Variants in ARMC3 observed in about 807,000 individuals in gnomAD.
ARMC3 encodes armadillo repeat containing 3, also known as armadillo repeat-containing protein 3.
A neutral mutation model predicts 90.3 loss-of-function variants in ARMC3; 74 were observed. That is an observed-to-expected ratio of 0.82 (90% CI 0.68 to 0.99). The LOEUF (loss-of-function observed/expected upper bound fraction) is 0.99, where lower values mean the gene tolerates loss of function less well. Ranked by LOEUF, ARMC3 falls within the 50% of genes least tolerant of loss-of-function variation. The pLI, the probability that ARMC3 is intolerant of heterozygous loss-of-function variation, is 0.00. For synonymous variants in ARMC3, 334 were observed against 361.8 expected (o/e 0.92, Z 0.87); for missense variants, 958 against 1,042.8 (o/e 0.92, Z 1.12).
intron 8 of ARMC3, among the ~76,000 whole-genome samples, chr10:22,974,027 G>T (rs1458874958): frequency 1.3e-5 from 2 of 151,564 alleles, no homozygotes; most frequent in African/African-American, 4.8e-5. Context: ...CAGAGTGCTG[G>T]GATTACAGGC....
At chr10:23,014,665 C>G (rs965281487) in intron 16 of ARMC3, among the ~76,000 whole-genome samples, 9 of 151,962 alleles carry the variant, frequency 5.9e-5, no homozygotes, top group African/African-American at 2.2e-4. Context: ...ATGGATGGAG[C>G]TGGAAGTCAT....
intron 10 of ARMC3, among the ~76,000 whole-genome samples, chr10:22,985,752 A>G (rs957257017): frequency 6.6e-6 from 1 of 152,202 alleles, no homozygotes; most frequent in African/African-American, 2.4e-5. Flanking sequence ...TTTTACTTAC[A>G]AATGGGCTAA....
intron 11 of ARMC3, among the ~76,000 whole-genome samples, chr10:22,998,873 A>G (rs560073412): frequency 6.6e-5 from 10 of 152,398 alleles, no homozygotes; most frequent in South Asian, 2.1e-4. Context: ...CCATTTATGT[A>G]ACGTTCAAAA....
At chr10:22,954,337 CT>C (rs1564349282) in intron 3 of ARMC3, among the ~76,000 whole-genome samples, 1 of 151,920 alleles carries the variant, frequency 6.6e-6, no homozygotes, top group South Asian at 2.1e-4. Context: ...ATTTTCTAGA[CT>C]TTTTTTCTGT....
chr10:22,956,804 T>C (rs1203207402), intron 4 of ARMC3, among the ~76,000 whole-genome samples: 1 of 148,320 alleles, frequency 6.7e-6, no homozygotes, highest in Non-Finnish European at 1.5e-5. Context: ...TATATTAATA[T>C]GTAATTATAT....
In ARMC3 at chr10:22,993,466, C is replaced by T. The variant is rs945259994; in HGVS notation, c.1176-4682C>T. 7.2e-5 allele frequency among the ~76,000 whole-genome samples: 11 copies of T among 152,160 alleles called. 1 individual carries two copies. Among genetic ancestry groups the T allele is most frequent in the South Asian group, 2.1e-4 (1 of 4,838 alleles). ...AGCTGTAAGTGATAAAACTGGAAAT[C>T]GCAGTGTTGCTGGATCCTATCCCTT... On this transcript the variant is annotated intron_variant, in intron 10 of 18. Transcript: ENST00000298032.
Position 23,032,975 on chromosome 10 carries a change from T to C in ARMC3, c.2361T>C (p.Ile787=), listed in dbSNP as rs757678178. ...KFQLKSNVIP[I]GHVKKGIFYH... is the part of the protein sequence containing the mutation. ...AACTTAAATCCAATGTTATACCGAT[T>C]GGACATGTCAAAAAAGGAATCTTCT... The change falls in exon 18 of 19, where the codon ATT becomes ATC. Residue 787 remains isoleucine, a synonymous_variant. Coordinates refer to ENST00000298032, the MANE Select transcript of ARMC3 (RefSeq NM_173081.5). 13 of 1,613,154 alleles carry C rather than the reference T, an allele frequency of 8.1e-6. No individual in the cohort carries two copies. The highest frequency in any genetic ancestry group is 1.1e-5 in the Non-Finnish European group (13 of 1,179,426).
At chr10:22,985,203 C>A (rs1236675209) in intron 10 of ARMC3, among the ~76,000 whole-genome samples, 4 of 151,726 alleles carry the variant, frequency 2.6e-5, no homozygotes, top group Admixed American at 6.6e-5. Context: ...TCCCTCTCAG[C>A]CTTTTGAACT....
intron 3 of ARMC3, among the ~76,000 whole-genome samples, chr10:22,949,692 A>G (rs1834667199): frequency 6.6e-6 from 1 of 152,210 alleles, no homozygotes; most frequent in Admixed American, 6.5e-5. Flanking sequence ...AAAGCGTTTG[A>G]AGAAATAATG....
intron 4 of ARMC3, 85 bp downstream of exon 4, chr10:22,956,017 T>A: frequency 7.8e-7 from 1 of 1,284,172 alleles, no homozygotes; most frequent in South Asian, 1.6e-5. Flanking sequence ...GGAATTTGTT[T>A]CAATTTTATT....
chr10:22,928,567 G>A (rs537242089), intron 1 of ARMC3, among the ~76,000 whole-genome samples: 10 of 152,284 alleles, frequency 6.6e-5, no homozygotes, highest in Admixed American at 4.6e-4. Context: ...GAGCAGAGTT[G>A]TTTGCATATC....
At chr10:23,000,416 C>T (rs996780833) in intron 11 of ARMC3, among the ~76,000 whole-genome samples, 1 of 152,130 alleles carries the variant, frequency 6.6e-6, no homozygotes, top group African/African-American at 2.4e-5. Context: ...GCTCCCATTG[C>T]ACCCCTTGTC....
chr10:23,028,725 G>A (rs1169822606), intron 16 of ARMC3, among the ~76,000 whole-genome samples: 2 of 152,178 alleles, frequency 1.3e-5, no homozygotes, highest in African/African-American at 4.8e-5. Flanking sequence ...CTGCATGTAT[G>A]CCAACCAGTA....
intron 13 of ARMC3, among the ~76,000 whole-genome samples, chr10:23,006,278 C>G (rs1057043143): frequency 3.3e-5 from 5 of 152,184 alleles, no homozygotes; most frequent in African/African-American, 1.2e-4. Context: ...GGCCTTTACT[C>G]TGAATGGAAC....
rs747080075 is a variant in ARMC3, at chr10:22,965,716, A to G, written c.733-2590A>G. On this transcript the variant is annotated intron_variant, in intron 7 of 18. Coordinates refer to ENST00000298032, the MANE Select transcript of ARMC3 (RefSeq NM_173081.5). ...CTAAGGCTCTGCTCATTTTTCTTCA[A>G]TTTTTTAGATTAAATAACGTCTTTT... is the stretch of plus-strand genomic sequence containing the variant. Among the ~76,000 whole-genome samples the G allele has an allele frequency of 5.9e-5, 9 of 151,972 alleles. No individual in the cohort carries two copies. The South Asian group carries it at 1.2e-3, about 21-fold the overall frequency.
At chr10:22,943,890 C>T (rs1053358011) in intron 2 of ARMC3, among the ~76,000 whole-genome samples, 12 of 150,738 alleles carry the variant, frequency 8.0e-5, no homozygotes, top group Admixed American at 5.3e-4. Context: ...GCCAAGATCG[C>T]GCCATTGCAC....
rs533785761 is a variant in ARMC3, at chr10:22,939,280, T to C, written c.49-6864T>C. On this transcript the variant is annotated intron_variant, in intron 2 of 18. Transcript: ENST00000298032. ...AAAAGAAGAGACCAACATACAGCAA[T>C]AGCTCCAGAAATCCAGTTAATGGTC... Among the ~76,000 whole-genome samples, 5 of 152,292 alleles carry C rather than the reference T, an allele frequency of 3.3e-5. No homozygotes were observed. In the South Asian group the frequency reaches 8.3e-4, roughly 25 times the overall value.
At chr10:22,973,926 T>A (rs1199090428) in intron 8 of ARMC3, among the ~76,000 whole-genome samples, 2 of 151,744 alleles carry the variant, frequency 1.3e-5, no homozygotes, top group Non-Finnish European at 2.9e-5. Context: ...GCCCAGCTAA[T>A]TTTTTGTATT....
At chr10:22,979,534 T>A (rs1836094007) in intron 8 of ARMC3, among the ~76,000 whole-genome samples, 1 of 152,176 alleles carries the variant, frequency 6.6e-6, no homozygotes, top group Admixed American at 6.5e-5. Flanking sequence ...CAAAGTTCGT[T>A]TTTTCAAATT....
Sources: allele counts gnomAD v4.1 joint callset (sites outside exome capture counted in the v4.1 genomes callset), GRCh38; gene constraint gnomAD v4.1.1; transcripts MANE v1.5; gene names NCBI Gene and HGNC (gene_info 2026-07-23, HGNC 2026-07-21).